The following SEMA3C variants were observed in gnomAD, a reference collection of about 807,000 sequenced individuals.
The protein encoded by SEMA3C is semaphorin-3C.
Under a neutral mutation model 89.4 loss-of-function variants are expected in SEMA3C, and 47 were observed. The ratio of observed to expected loss-of-function variants is 0.53; its 90% CI spans 0.42 to 0.67. The LOEUF (loss-of-function observed/expected upper bound fraction) is 0.67. Ranked by LOEUF, SEMA3C falls within the 30% of genes least tolerant of loss-of-function variation. The pLI, the probability that SEMA3C is intolerant of heterozygous loss-of-function variation, is 0.00. For synonymous variants in SEMA3C, 310 were observed against 320.2 expected, an observed-to-expected ratio of 0.97 and a Z score of 0.34; for missense variants, 839 against 929.1, an observed-to-expected ratio of 0.90 and a Z score of 1.26.
chr7:80,887,061 A>G (rs923738376), intron 2 of SEMA3C, among the ~76,000 whole-genome samples: 1 of 152,188 alleles, frequency 6.6e-6, no homozygotes, highest in African/African-American at 2.4e-5. Flanking sequence ...TGACATACAC[A>G]TATAGTTACC....
At chr7:80,895,494 C>A (rs1791712598) in intron 2 of SEMA3C, among the ~76,000 whole-genome samples, 2 of 152,062 alleles carry the variant, frequency 1.3e-5, no homozygotes, top group South Asian at 2.1e-4. Flanking sequence ...AAAATTATTT[C>A]TTGACTCTAG....
intron 12 of SEMA3C, among the ~76,000 whole-genome samples, chr7:80,783,643 G>T (rs1475666002): frequency 6.6e-6 from 1 of 152,160 alleles, no homozygotes; most frequent in Non-Finnish European, 1.5e-5. Context: ...ATTTTAAGGA[G>T]TTCTTTAAAA....
At chr7:80,858,186 C>G (rs892980184) in intron 2 of SEMA3C, among the ~76,000 whole-genome samples, 1 of 152,060 alleles carries the variant, frequency 6.6e-6, no homozygotes, top group Non-Finnish European at 1.5e-5. Flanking sequence ...AGGAGGAAGG[C>G]TTTCAGGTGA....
intron 12 of SEMA3C, among the ~76,000 whole-genome samples, chr7:80,775,944 A>C (rs1788540062): frequency 6.6e-6 from 1 of 152,162 alleles, no homozygotes; most frequent in African/African-American, 2.4e-5. Context: ...GGCAATAACA[A>C]TATAAGAGAC....
chr7:80,748,650 C>T (rs1787853586), intron 17 of SEMA3C, among the ~76,000 whole-genome samples: 2 of 152,110 alleles, frequency 1.3e-5, no homozygotes, highest in Non-Finnish European at 2.9e-5. Flanking sequence ...ATCAATACTA[C>T]CGTCTTAGCA....
chr7:80,810,915 T>C (rs1789453062), intron 5 of SEMA3C, among the ~76,000 whole-genome samples: 9 of 152,128 alleles, frequency 5.9e-5, no homozygotes, highest in Admixed American at 5.9e-4. Context: ...CCTCTTTCTA[T>C]TGCACTCCCC....
intron 4 of SEMA3C, among the ~76,000 whole-genome samples, chr7:80,823,652 G>C (rs1415739977): frequency 6.6e-6 from 1 of 151,936 alleles, no homozygotes; most frequent in Non-Finnish European, 1.5e-5. Context: ...GGGTTGTATG[G>C]TCACAGAAAT....
chr7:80,875,675 ACT>A (rs1383984978), intron 2 of SEMA3C, among the ~76,000 whole-genome samples: 1 of 151,944 alleles, frequency 6.6e-6, no homozygotes, highest in African/African-American at 2.4e-5. Context: ...CCCGCCTATT[ACT>A]CACTTAGCAG....
At chr7:80,799,755 G>C (rs868302984) in intron 10 of SEMA3C, among the ~76,000 whole-genome samples, 1 of 151,922 alleles carries the variant, frequency 6.6e-6, no homozygotes, top group Non-Finnish European at 1.5e-5. Flanking sequence ...TTAGGCGACC[G>C]AGGCAGAAGA....
At chr7:80,848,283 C>T (rs1225321342) in intron 2 of SEMA3C, among the ~76,000 whole-genome samples, 2 of 152,174 alleles carry the variant, frequency 1.3e-5, no homozygotes, top group Non-Finnish European at 2.9e-5. Context: ...TCCTTTTAGT[C>T]TCACAACTGA....
At chr7:80,754,707 A>C (rs1788015402) in intron 15 of SEMA3C, among the ~76,000 whole-genome samples, 2 of 152,148 alleles carry the variant, frequency 1.3e-5, no homozygotes, top group Non-Finnish European at 2.9e-5. Flanking sequence ...TTTTTTATAT[A>C]TGTAGCATTT....
upstream of SEMA3C, chr7:80,922,114 A>C (rs1441855500): frequency 4.6e-6 from 2 of 430,526 alleles, no homozygotes; most frequent in East Asian, 1.5e-4. Context: ...TCTGCATAGC[A>C]TTCTTTAATG....
upstream of SEMA3C, among the ~76,000 whole-genome samples, chr7:80,920,304 T>G (rs936068242): frequency 7.2e-5 from 11 of 152,200 alleles, no homozygotes; most frequent in African/African-American, 2.4e-4. Context: ...TTAAAATCAC[T>G]GTGGGGCACA....
intron 2 of SEMA3C, among the ~76,000 whole-genome samples, chr7:80,829,029 T>C (rs1789948149): frequency 6.6e-6 from 1 of 152,020 alleles, no homozygotes; most frequent in South Asian, 2.1e-4. Flanking sequence ...TAACTGGGCA[T>C]GGTGGTATGT....
intron 2 of SEMA3C, among the ~76,000 whole-genome samples, chr7:80,868,638 T>C (rs1165816920): frequency 1.3e-5 from 2 of 152,196 alleles, no homozygotes; most frequent in Non-Finnish European, 2.9e-5. Flanking sequence ...AACCAGAGGA[T>C]GACCATATAC....
chr7:80,758,599 G>T (rs1340211731), intron 14 of SEMA3C, 111 bp from the exon 15 acceptor site: 13 of 1,097,364 alleles, frequency 1.2e-5, no homozygotes, highest in South Asian at 2.7e-5. Context: ...TTTTGGAACC[G>T]ATTAAAAACA....
intron 15 of SEMA3C, among the ~76,000 whole-genome samples, chr7:80,752,339 C>T (rs773737986): frequency 8.6e-5 from 13 of 152,014 alleles, no homozygotes; most frequent in South Asian, 2.1e-4. Context: ...GGGCCAGGTG[C>T]GGTGGCTCAC....
intron 2 of SEMA3C, among the ~76,000 whole-genome samples, chr7:80,863,119 C>A (rs2115999501): frequency 6.6e-6 from 1 of 151,738 alleles, no homozygotes. Flanking sequence ...TTTTGCACAG[C>A]AAAAGGAACA....
intron 2 of SEMA3C, among the ~76,000 whole-genome samples, chr7:80,882,135 A>G (rs1791358574): frequency 6.6e-6 from 1 of 152,186 alleles, no homozygotes; most frequent in South Asian, 2.1e-4. Context: ...ATCACAGCTT[A>G]TTGGTCACTA....
Sources: allele counts gnomAD v4.1 joint callset (sites outside exome capture counted in the v4.1 genomes callset), GRCh38; gene constraint gnomAD v4.1.1; transcripts MANE v1.5; gene names NCBI Gene and HGNC (gene_info 2026-07-23, HGNC 2026-07-21).